The following INCENP variants were observed in gnomAD, a reference collection of about 807,000 sequenced individuals.
INCENP encodes inner centromere protein, also known as binds and activates aurora-B and -C in vivo and in vitro.
INCENP carries 43 observed loss-of-function variants against 107.3 expected under a neutral mutation model. The ratio of observed to expected loss-of-function variants is 0.40; its 90% confidence interval spans 0.31 to 0.52. The LOEUF is 0.52. INCENP is among the 20% of genes least tolerant of loss of function. The pLI is 0.53. For synonymous variants in INCENP, 488 were observed against 494.4 expected, an observed-to-expected ratio of 0.99 and a Z score of 0.17; for missense variants, 1,089 against 1,250.9, an observed-to-expected ratio of 0.87 and a Z score of 1.95.
At chr11:62,141,570 C>G (rs1243811111) in intron 11 of INCENP, 59 bp downstream of exon 11, 62 of 1,602,748 alleles carry the variant, frequency 3.9e-5, no homozygotes, top group Non-Finnish European at 5.3e-5. Flanking sequence ...CCCGCTGTAG[C>G]CCCTTCCCTG....
At chr11:62,126,652 T>C (rs148345777) in intron 1 of INCENP, among the ~76,000 whole-genome samples, 1 of 152,346 alleles carries the variant, frequency 6.6e-6, no homozygotes, top group Non-Finnish European at 1.5e-5. Flanking sequence ...TGTGATGTAG[T>C]AGAATATGGT....
At position 62,129,854 on chromosome 11, in the gene INCENP, G is replaced by T. The variant is rs1027885646; in HGVS notation, c.327G>T (p.Lys109Asn). 2.5e-6 allele frequency: 4 copies of T among 1,613,040 alleles called. No homozygotes were observed. The highest frequency in any genetic ancestry group is 3.4e-6 in the Non-Finnish European group (4 of 1,180,042). ...TCCGCAGCAAGGACAGTGTAGAGAA[G>T]CTGGCTACAGTGGTCGGGGAGAACG... Reference protein sequence around the residue: ...RRLRSKDSVEKLATVVGENGS... With the variant: ...RRLRSKDSVENLATVVGENGS... Residue 109 changes from lysine to asparagine, a missense_variant, in exon 4 of 19, where the codon AAG becomes AAT. Physicochemically the swap from Lys to Asn is moderately conservative, Grantham distance 94. Coordinates refer to ENST00000394818, the MANE Select transcript of INCENP (RefSeq NM_001040694.2).
rs559944647 is a variant in INCENP at position 62,138,043 on chromosome 11, T to C, written c.1115+160T>C. 4 of 675,130 alleles carry C rather than the reference T, an allele frequency of 5.9e-6. No individual in the cohort carries two copies. The East Asian group carries it at 1.1e-4, about 18-fold the overall frequency. The allele number at this position is 675,130 out of a possible 1,614,324, so 41.8% of individuals were successfully genotyped here. A position where few individuals can be genotyped will look rare whatever the true frequency, so the allele number is the denominator to read the frequency against. On this transcript the variant is annotated intron_variant, in intron 5 of 18. Coordinates refer to ENST00000394818, the MANE Select transcript of INCENP (RefSeq NM_001040694.2). ...TTTCCCTGTCTGACCAGGCAGTGAG[T>C]GATGTGGGTGTTGGCCACCTGGTCT...
At chr11:62,138,588 G>T (rs1225719167) in intron 5 of INCENP, 125 bp from the exon 6 acceptor site, 2 of 783,914 alleles carry the variant, frequency 2.6e-6, no homozygotes, top group Non-Finnish European at 4.1e-6. Context: ...GTGGGTTCGT[G>T]GCCCTGGCCA....
chr11:62,136,761 A>AGTGTGT (rs1357924226), intron 4 of INCENP, among the ~76,000 whole-genome samples: 1 of 152,252 alleles, frequency 6.6e-6, no homozygotes, highest in African/African-American at 2.4e-5. Flanking sequence ...CCTTCCCGTG[A>AGTGTGT]GTGTGTGGTC....
chr11:62,127,017 G>A (rs916754423), intron 1 of INCENP, among the ~76,000 whole-genome samples: 3 of 150,206 alleles, frequency 2.0e-5, no homozygotes, highest in South Asian at 2.1e-4. Flanking sequence ...TGAAGTTTTT[G>A]TAATGGCTAT....
At chr11:62,128,357 G>C in intron 2 of INCENP, 56 bp downstream of exon 2, 3 of 1,606,018 alleles carry the variant, frequency 1.9e-6, no homozygotes, top group Admixed American at 3.3e-5. Flanking sequence ...GGGCTGCTTT[G>C]GTCTTGGGGA....
chr11:62,135,751 A>G (rs924881180), intron 4 of INCENP, among the ~76,000 whole-genome samples: 2 of 152,062 alleles, frequency 1.3e-5, no homozygotes, highest in African/African-American at 4.8e-5. Context: ...GGATGCTGTG[A>G]CCCTGCTGGT....
In INCENP at chr11:62,129,968, G is replaced by A. The variant is rs988879334; in HGVS notation, c.441G>A (p.Glu147=). The part of the protein sequence containing the change: ...ALAAPSSPTP[E]SPTMLTKKPE... ...CTGCACCTTCTTCACCCACCCCTGA[G>A]TCTCCCACGATGCTGACTAAGAAGC... is the stretch of plus-strand genomic sequence containing the variant. The change falls in exon 4 of 19, where the codon GAG becomes GAA. Residue 147 remains glutamate, a synonymous_variant. Coordinates refer to ENST00000394818, the MANE Select transcript of INCENP (RefSeq NM_001040694.2). 1 of 1,614,064 alleles carries A rather than the reference G, an allele frequency of 6.2e-7. No homozygotes were observed. The highest frequency in any genetic ancestry group is 1.7e-5 in the Admixed American group (1 of 60,010).
intron 11 of INCENP, among the ~76,000 whole-genome samples, chr11:62,144,107 G>A (rs143790039): frequency 4.3e-4 from 66 of 152,304 alleles, no homozygotes; most frequent in African/African-American, 1.1e-3. Flanking sequence ...CAAGGCAGGC[G>A]GATCCCTTGA....
At position 62,145,007 on chromosome 11, in the gene INCENP, ATC is replaced by A; in HGVS notation, c.1633_1634del (p.Leu545AlafsTer30). The A allele has an allele frequency of 6.2e-7, 1 of 1,605,136 alleles. No homozygotes were observed. The highest frequency in any genetic ancestry group is 8.5e-7 in the Non-Finnish European group (1 of 1,177,332). Reference sequence around the variant, plus strand: ...GAGAAGGAGCGGCAGCGCCTGGAGAATCTGCGGCGGAAGGAGGAGGCCGAGCA... The same window carrying A: ...GAGAAGGAGCGGCAGCGCCTGGAGAATGCGGCGGAAGGAGGAGGCCGAGCA... On this transcript the variant is annotated frameshift_variant, in exon 12 of 19. Transcript: ENST00000394818. LOFTEE classifies it high-confidence loss of function.
At chr11:62,135,647 T>C (rs189109763) in intron 4 of INCENP, among the ~76,000 whole-genome samples, 61 of 152,348 alleles carry the variant, frequency 4.0e-4, no homozygotes, top group Non-Finnish European at 7.8e-4. Context: ...CACCAAGTTA[T>C]GCACGTCTTC....
intron 15 of INCENP, among the ~76,000 whole-genome samples, chr11:62,148,251 G>T (rs1239596726): frequency 1.3e-5 from 2 of 152,222 alleles, no homozygotes; most frequent in Non-Finnish European, 2.9e-5. Context: ...AAAAGTGGGG[G>T]CCAAATGTTG....
intron 4 of INCENP, among the ~76,000 whole-genome samples, chr11:62,136,500 C>T (rs4963467): frequency 0.26 from 38,892 of 151,754 alleles, 5,241 homozygotes; most frequent in South Asian, 0.4. Context: ...GCCAACATAG[C>T]GAAACCCTAT....
In INCENP at chr11:62,141,663, A is replaced by G. The variant is rs552558896; in HGVS notation, c.1605+152A>G. On this transcript the variant is annotated intron_variant, in intron 11 of 18. Coordinates refer to ENST00000394818, the MANE Select transcript of INCENP (RefSeq NM_001040694.2). ...AAGAGAGTGGGACGGTGAGGGGTGC[A>G]CTGGCTGGAGGCGCCCAGCAGTTCT... 4 of 1,067,976 alleles carry G rather than the reference A, an allele frequency of 3.7e-6. No homozygotes were observed. The South Asian group carries it at 5.3e-5, about 14-fold the overall frequency. 66.2% of individuals were successfully genotyped at this position (1,067,976 alleles called of 1,614,324 possible). A position where few individuals can be genotyped will look rare whatever the true frequency, so the allele number is the denominator to read the frequency against.
chr11:62,147,365 C>T (rs1021621283), intron 15 of INCENP, among the ~76,000 whole-genome samples: 2 of 152,196 alleles, frequency 1.3e-5, no homozygotes, highest in South Asian at 4.1e-4. Flanking sequence ...CCTTGGGAAC[C>T]GTGGACCCAG....
At chr11:62,146,598 G>A in intron 14 of INCENP, 60 bp from the exon 15 acceptor site, 1 of 1,542,948 alleles carries the variant, frequency 6.5e-7, no homozygotes, top group Non-Finnish European at 8.7e-7. Flanking sequence ...GAGTAGGGCT[G>A]CTGTCCTGCC....
rs907556487 is a variant in INCENP, at chr11:62,127,330, G to A, written c.-11-821G>A. On this transcript the variant is annotated intron_variant, in intron 1 of 18. Coordinates refer to ENST00000394818, the MANE Select transcript of INCENP (RefSeq NM_001040694.2). ...ATTACGGGTGTGAACCACTGCACCC[G>A]GCTGGTTATCAAGTTTTAAGGAGGA... 5.3e-5 allele frequency among the ~76,000 whole-genome samples: 8 copies of A among 152,270 alleles called. No individual in the cohort carries two copies. In the South Asian group the frequency reaches 8.3e-4, roughly 16 times the overall value.
chr11:62,148,889 C>A, intron 17 of INCENP, 43 bp downstream of exon 17: 2 of 1,314,284 alleles, frequency 1.5e-6, no homozygotes, highest in South Asian at 1.3e-5. Flanking sequence ...GGTGGAGGGG[C>A]CCACTCTATT....
Sources: allele counts gnomAD v4.1 joint callset (sites outside exome capture counted in the v4.1 genomes callset), GRCh38; gene constraint gnomAD v4.1.1; transcripts MANE v1.5; gene names NCBI Gene and HGNC (gene_info 2026-07-23, HGNC 2026-07-21).